ACLY: variants seen among roughly 807,000 people sequenced by gnomAD.
ACLY encodes ATP citrate lyase.
In ACLY, 41 loss-of-function variants were observed where a neutral mutation model predicts 133.0. That is an observed-to-expected ratio of 0.31 (90% CI 0.24 to 0.40). The LOEUF (loss-of-function observed/expected upper bound fraction) is 0.40. Ranked by LOEUF, ACLY falls within the 10% of genes least tolerant of loss-of-function variation. The probability of loss-of-function intolerance (pLI) is 1.00; values close to 1 mark genes in which losing one functional copy is unlikely to be tolerated. For missense variants in ACLY, 1,046 were observed against 1,453.8 expected (o/e 0.72, Z 4.56); for synonymous variants, 495 against 549.3 (o/e 0.90, Z 1.38).
At chr17:41,878,682 G>T in intron 21 of ACLY, 115 bp downstream of exon 21, 1 of 1,317,592 alleles carries the variant, frequency 7.6e-7, no homozygotes, top group Non-Finnish European at 1.1e-6. Context: ...ATACAGCTGC[G>T]CTAGACACCG....
In ACLY at chr17:41,901,741, C is replaced by G. The variant is rs1555631651; in HGVS notation, c.1138G>C (p.Gly380Arg). 6.2e-7 allele frequency: 1 copy of G among 1,610,364 alleles called. No individual in the cohort carries two copies. ...AAGCCCTCCTGATAGTTGGGGCCACCTCTTCGGACAAAGATTGTGACTTCG... is the reference window on the plus strand; with the variant it reads ...AAGCCCTCCTGATAGTTGGGGCCACGTCTTCGGACAAAGATTGTGACTTCG... ...EHEVTIFVRR[G>R]GPNYQEGLRV... Residue 380 changes from glycine to arginine, a missense_variant, in exon 11 of 29, where the codon GGT (glycine) becomes CGT (arginine). By Grantham distance (125) the Gly-to-Arg change is moderately radical (BLOSUM62 -2). Transcript: ENST00000352035.
At chr17:41,885,259 A>G (rs1555627948) in intron 18 of ACLY, among the ~76,000 whole-genome samples, 1 of 152,124 alleles carries the variant, frequency 6.6e-6, no homozygotes, top group Non-Finnish European at 1.5e-5. Flanking sequence ...TTATTCCCTG[A>G]GCCTTTGGTC....
chr17:41,923,594 C>T (rs1447698629), upstream of ACLY, among the ~76,000 whole-genome samples: 1 of 152,096 alleles, frequency 6.6e-6, no homozygotes, highest in Non-Finnish European at 1.5e-5. Flanking sequence ...TGTAAGCAAC[C>T]CAAGGCCTAG....
At chr17:41,897,548 C>T (rs113259441) in intron 13 of ACLY, among the ~76,000 whole-genome samples, 15 of 152,088 alleles carry the variant, frequency 9.9e-5, no homozygotes, top group African/African-American at 3.6e-4. Flanking sequence ...CCAGGCACGG[C>T]GTGGGTCCTC....
upstream of ACLY, among the ~76,000 whole-genome samples, chr17:41,919,537 G>A (rs2050149184): frequency 1.3e-5 from 2 of 152,244 alleles, no homozygotes; most frequent in African/African-American, 4.8e-5. Flanking sequence ...AGGCTGAGCC[G>A]AGGCTAACAG....
chr17:41,913,650 C>A (rs2049967536), intron 2 of ACLY, 65 bp downstream of exon 2: 1 of 1,558,126 alleles, frequency 6.4e-7, no homozygotes, highest in African/African-American at 1.4e-5. Context: ...ACCAACAAAC[C>A]AATGGCTTTC....
At chr17:41,879,409 C>G (rs530063156) in intron 20 of ACLY, among the ~76,000 whole-genome samples, 1 of 148,838 alleles carries the variant, frequency 6.7e-6, no homozygotes, top group South Asian at 2.1e-4. Flanking sequence ...CCTGCCCCCC[C>G]CGCCTTTTTT....
intron 16 of ACLY, among the ~76,000 whole-genome samples, chr17:41,890,753 C>A (rs1357345598): frequency 6.9e-6 from 1 of 144,908 alleles, no homozygotes; most frequent in South Asian, 2.2e-4. Flanking sequence ...GTAATCCCAG[C>A]ACTTTGGGAG....
rs982712754 is a variant in ACLY, at chr17:41,909,412, C to T, written c.536+98G>A. 2.9e-6 allele frequency: 4 copies of T among 1,365,290 alleles called. No individual in the cohort carries two copies. In the Admixed American group the frequency reaches 5.8e-5, roughly 20 times the overall value. 84.6% of individuals were successfully genotyped at this position (1,365,290 alleles called of 1,614,324 possible). ...ACAGGGCCGTGTCTACCACCTGGCT[C>T]CCAGAGAGGAGACCGCTCTGCTCTC... On this transcript the variant is annotated intron_variant, in intron 5 of 28. Transcript: ENST00000352035.
chr17:41,891,511 T>C (rs2049211172), intron 16 of ACLY, among the ~76,000 whole-genome samples: 1 of 151,906 alleles, frequency 6.6e-6, no homozygotes, highest in Admixed American at 6.6e-5. Flanking sequence ...CAAGTGATCA[T>C]CCTACCTCAG....
chr17:41,906,464 G>T, intron 8 of ACLY, 64 bp downstream of exon 8: 1 of 1,420,532 alleles, frequency 7.0e-7, no homozygotes, highest in Non-Finnish European at 9.9e-7. Context: ...ACCCACCCAG[G>T]CTACACACAT....
chr17:41,869,813 C>T (rs1490524222), intron 25 of ACLY, among the ~76,000 whole-genome samples: 1 of 152,190 alleles, frequency 6.6e-6, no homozygotes, highest in East Asian at 1.9e-4. Flanking sequence ...GGTAGGTTCT[C>T]ACTTTTAAGT....
At chr17:41,870,380 C>T (rs1222619941) in intron 25 of ACLY, 4 of 152,200 alleles carry the variant, frequency 2.6e-5, no homozygotes, top group Non-Finnish European at 1.5e-5. Context: ...CTGAGCTGGT[C>T]CTTGCTCATC....
At chr17:41,910,390 C>A in intron 3 of ACLY, 106 bp from the exon 4 acceptor site, 1 of 922,966 alleles carries the variant, frequency 1.1e-6, no homozygotes, top group Non-Finnish European at 1.7e-6. Flanking sequence ...CCCACCACCA[C>A]ACCCAGCAAA....
intron 20 of ACLY, 65 bp from the exon 21 acceptor site, chr17:41,878,989 A>G: frequency 6.2e-7 from 1 of 1,600,834 alleles, no homozygotes; most frequent in Non-Finnish European, 8.5e-7. Flanking sequence ...ATCCCATGTA[A>G]AGTGTGCTAA....
chr17:41,892,931 G>C (rs1204356040), intron 15 of ACLY, 102 bp downstream of exon 15: 2 of 1,441,096 alleles, frequency 1.4e-6, no homozygotes, highest in African/African-American at 1.4e-5. Context: ...CTCCCACCTC[G>C]ACCTCCCAAA....
At chr17:41,921,083 A>C (rs2063106904), upstream of ACLY, among the ~76,000 whole-genome samples, 1 of 149,334 alleles carries the variant, frequency 6.7e-6, no homozygotes, top group Non-Finnish European at 1.5e-5. Flanking sequence ...CCGAGATCGC[A>C]CCAGTGCACT....
In ACLY at chr17:41,907,410, C is replaced by G. The variant is rs34072894; in HGVS notation, c.747+32G>C. On this transcript the variant is annotated intron_variant, in intron 7 of 28. Transcript: ENST00000352035. ...AGTCACCTCCCCACCGCCCTCCCCCCAGTCCCCATCTCCTCTCTAAACCAG... is the reference window on the plus strand; with the variant it reads ...AGTCACCTCCCCACCGCCCTCCCCCGAGTCCCCATCTCCTCTCTAAACCAG... 7.0e-3 allele frequency: 11,191 copies of G among 1,603,134 alleles called. 696 individuals are homozygous for G. In the African/African-American group the frequency reaches 0.13, roughly 19 times the overall value.
rs1555634097 is a variant in ACLY at position 41,913,890 on chromosome 17, G to C, written c.-17C>G. On this transcript the variant is annotated 5_prime_UTR_variant, in exon 2 of 29. Coordinates refer to ENST00000352035, the MANE Select transcript of ACLY (RefSeq NM_001096.3). ...GGCCGACATGGCTGCAGAGAGACCT[G>C]CTCTACCTGTCTGGGAGAGAGAAGC... 1 of 1,614,068 alleles carries C rather than the reference G, an allele frequency of 6.2e-7. No individual in the cohort carries two copies. The highest frequency in any genetic ancestry group is 8.5e-7 in the Non-Finnish European group (1 of 1,179,934).
Sources: allele counts gnomAD v4.1 joint callset (sites outside exome capture counted in the v4.1 genomes callset), GRCh38; gene constraint gnomAD v4.1.1; transcripts MANE v1.5; gene names NCBI Gene and HGNC (gene_info 2026-07-23, HGNC 2026-07-21).